The following ST7 variants were observed in gnomAD, a reference collection of about 807,000 sequenced individuals.
ST7 encodes the protein suppression of tumorigenicity 7.
ST7 carries 28 observed loss-of-function variants against 78.7 expected under a neutral mutation model. That is an observed-to-expected ratio of 0.36 (90% CI 0.26 to 0.49). ST7 has a LOEUF of 0.49. ST7 is among the 20% of genes least tolerant of loss of function. ST7 has a pLI of 0.99. For synonymous variants in ST7, 247 were observed against 249.6 expected, an observed-to-expected ratio of 0.99 and a Z score of 0.10; for missense variants, 418 against 696.0, an observed-to-expected ratio of 0.60 and a Z score of 4.49.
Position 117,138,445 on chromosome 7 carries a change from C to G in ST7, c.876C>G (p.Thr292=), listed in dbSNP as rs1233974246. 1.2e-6 allele frequency: 2 copies of G among 1,603,214 alleles called. No individual in the cohort carries two copies. The highest frequency in any genetic ancestry group is 2.2e-5 in the South Asian group (2 of 89,548). Residue 292 remains threonine, a synonymous_variant, in exon 9 of 16, where the codon ACC becomes ACG. Coordinates refer to ENST00000323984, the MANE Select transcript of ST7 (RefSeq NM_001369598.1). ...TATCTCCCTCTTCAGGACGAGACAC[C>G]AATGTCTTGGTGTACATCAAAAGAA... ...SQYEAQHRRD[T]NVLVYIKRRL...
chr7:117,219,929 C>T lies in ST7; in HGVS notation c.1498+753C>T, dbSNP rs1792962270. ...GGTTATTATCAAATCATACTATGTACAAGGATCATGTCAGGCTCTTCATGT... is the reference window on the plus strand; with the variant it reads ...GGTTATTATCAAATCATACTATGTATAAGGATCATGTCAGGCTCTTCATGT... On this transcript the variant is annotated intron_variant, in intron 14 of 15. Transcript: ENST00000323984. The surrounding 1 kb of genome is among the most constrained non-coding windows in gnomAD (Gnocchi z 5.1). Among the ~76,000 whole-genome samples the T allele has an allele frequency of 1.3e-5, 2 of 152,152 alleles. No individual in the cohort carries two copies. The highest frequency in any genetic ancestry group is 4.8e-5 in the African/African-American group (2 of 41,436).
chr7:117,212,998 C>T (rs993026453), intron 13 of ST7, among the ~76,000 whole-genome samples: 1 of 152,184 alleles, frequency 6.6e-6, no homozygotes, highest in African/African-American at 2.4e-5. Flanking sequence ...TCTGACTCAG[C>T]TACTTATAGT....
At chr7:117,163,774 G>A (rs171552) in intron 9 of ST7, among the ~76,000 whole-genome samples, 18,734 of 151,958 alleles carry the variant, frequency 0.12, 2,130 homozygotes, top group African/African-American at 0.3. Context: ...TTTGCTGTGC[G>A]GAAGTTTTAT....
chr7:116,968,740 C>G (rs1015936503), intron 1 of ST7, among the ~76,000 whole-genome samples: 2 of 151,524 alleles, frequency 1.3e-5, no homozygotes, highest in African/African-American at 4.9e-5. Context: ...AAATAAATAC[C>G]AAAACAAGGG....
rs1688470763 is a variant in ST7 at position 117,029,771 on chromosome 7, T to C, written c.152-69991T>C. Among the ~76,000 whole-genome samples, 3 of 150,340 alleles carry C rather than the reference T, an allele frequency of 2.0e-5. 1 individual carries two copies. In the South Asian group the frequency reaches 6.3e-4, roughly 32 times the overall value. On this transcript the variant is annotated intron_variant, in intron 1 of 15. Transcript: ENST00000323984. ...GTAAATGTTCATTTTTTTTTTTTAG[T>C]GAAATGAATATTCACTTCTTCTAGC... is the stretch of plus-strand genomic sequence containing the variant.
rs1248610792 is a variant in ST7 at position 117,081,997 on chromosome 7, G to A, written c.152-17765G>A. On this transcript the variant is annotated intron_variant, in intron 1 of 15. Coordinates refer to ENST00000323984, the MANE Select transcript of ST7 (RefSeq NM_001369598.1). ...GTGGGCCATTAATCAGGAAGGGCAGGCTGGAACTCTTGTGTCTAAGCTGAA... is the reference window on the plus strand; with the variant it reads ...GTGGGCCATTAATCAGGAAGGGCAGACTGGAACTCTTGTGTCTAAGCTGAA... 3.3e-5 allele frequency among the ~76,000 whole-genome samples: 5 copies of A among 152,104 alleles called. No individual in the cohort carries two copies. In the East Asian group the frequency reaches 9.6e-4, roughly 29 times the overall value.
intron 2 of ST7, among the ~76,000 whole-genome samples, chr7:117,115,416 G>A (rs897617203): frequency 4.9e-5 from 7 of 144,180 alleles, no homozygotes; most frequent in African/African-American, 1.3e-4. Context: ...GTACAGTCCC[G>A]CGATCTCAGC....
chr7:117,053,359 G>A (rs1211057538), intron 1 of ST7, among the ~76,000 whole-genome samples: 1 of 152,198 alleles, frequency 6.6e-6, no homozygotes, highest in African/African-American at 2.4e-5. Flanking sequence ...TGCTCTCGAA[G>A]GTGCCAGAGT....
intron 13 of ST7, among the ~76,000 whole-genome samples, chr7:117,215,976 TC>T (rs1211138758): frequency 2.0e-5 from 3 of 152,058 alleles, no homozygotes; most frequent in African/African-American, 7.2e-5. Flanking sequence ...TCCTTGCCTA[TC>T]TAGTAGGTAG....
In ST7 at chr7:116,992,059, CT is replaced by C. The variant is rs563745927; in HGVS notation, c.151+38371del. On this transcript the variant is annotated intron_variant, in intron 1 of 15. Transcript: ENST00000323984. ...GCCTTGGGCAGCTCTGCCCCCATGG[CT>C]TTGCAAGGTACTGCCTCTCTCCCAC... Among the ~76,000 whole-genome samples, 123 of 152,332 alleles carry C rather than the reference CT, an allele frequency of 8.1e-4. 1 individual carries two copies. The highest frequency in any genetic ancestry group is 2.4e-3 in the Admixed American group (37 of 15,310).
At chr7:117,210,022 A>G in intron 13 of ST7, 85 bp downstream of exon 13, 1 of 1,455,074 alleles carries the variant, frequency 6.9e-7, no homozygotes, top group Non-Finnish European at 9.3e-7. Context: ...TGAATAATGA[A>G]GATTTACATA....
chr7:117,191,552 G>A (rs1334235556), intron 12 of ST7: 2 of 152,024 alleles, frequency 1.3e-5, no homozygotes, highest in Non-Finnish European at 2.9e-5. Flanking sequence ...TCAAATCAGA[G>A]CAGGGAATAT....
At chr7:117,144,902 A>T (rs1407850634) in intron 9 of ST7, among the ~76,000 whole-genome samples, 1 of 152,088 alleles carries the variant, frequency 6.6e-6, no homozygotes, top group Non-Finnish European at 1.5e-5. Flanking sequence ...AGTGGATGCA[A>T]AAAAGGTAGA....
In ST7 at chr7:117,209,881, C is replaced by A; in HGVS notation, c.1349C>A (p.Ala450Glu). The A allele has an allele frequency of 6.2e-7, 1 of 1,614,174 alleles. No homozygotes were observed. The highest frequency in any genetic ancestry group is 1.1e-5 in the South Asian group (1 of 91,082). The part of the protein sequence containing the change: ...EAIAYAFFHL[A>E]HWKRVEGALN... ...ATAGCATATGCATTCTTTCATCTTG[C>A]ACACTGGAAGAGAGTGGAAGGGGCT... The change falls in exon 13 of 16, where the codon GCA becomes GAA. Residue 450 changes from alanine to glutamate, a missense_variant. Ala to Glu is a moderately radical substitution (Grantham distance 107). Around this residue, in one of 4 missense-constraint regions of ST7, gnomAD observed 288 missense variants for 537.1 expected, o/e 0.54. Coordinates refer to ENST00000323984, the MANE Select transcript of ST7 (RefSeq NM_001369598.1).
chr7:117,169,283 G>A (rs537181865), intron 9 of ST7, among the ~76,000 whole-genome samples: 4 of 151,804 alleles, frequency 2.6e-5, no homozygotes, highest in South Asian at 2.1e-4. Context: ...CTACAGGTGC[G>A]TGTCACCATG....
At chr7:117,107,473 T>C (rs1014234074) in intron 2 of ST7, among the ~76,000 whole-genome samples, 5 of 152,146 alleles carry the variant, frequency 3.3e-5, no homozygotes, top group African/African-American at 4.8e-5. Context: ...AGGGGTGAAG[T>C]GGTGCTGCAT....
intron 2 of ST7, among the ~76,000 whole-genome samples, chr7:117,103,687 G>C (rs944944899): frequency 6.6e-6 from 1 of 152,112 alleles, no homozygotes; most frequent in Non-Finnish European, 1.5e-5. Context: ...CATTAGTCTG[G>C]GTAAAGACTT....
intron 9 of ST7, among the ~76,000 whole-genome samples, chr7:117,155,223 A>G (rs1282641863): frequency 6.6e-6 from 1 of 152,168 alleles, no homozygotes; most frequent in African/African-American, 2.4e-5. Context: ...ACTAATGCAC[A>G]GGTCCTGAAG....
chr7:116,992,404 C>A (rs1273350622), intron 1 of ST7, among the ~76,000 whole-genome samples: 2 of 152,234 alleles, frequency 1.3e-5, no homozygotes, highest in East Asian at 3.9e-4. Flanking sequence ...GCAGGTTCAA[C>A]ACCATGTGGA....
Sources: allele counts gnomAD v4.1 joint callset (sites outside exome capture counted in the v4.1 genomes callset), GRCh38; gene constraint gnomAD v4.1.1; regional missense constraint gnomAD v4.1.1; non-coding constraint Gnocchi (gnomAD v3.1); transcripts MANE v1.5; gene names NCBI Gene and HGNC (gene_info 2026-07-23, HGNC 2026-07-21).